NAALADL2: variants seen among roughly 807,000 people sequenced by gnomAD.
NAALADL2 encodes the protein inactive N-acetylated-alpha-linked acidic dipeptidase-like protein 2.
NAALADL2 carries 76 observed loss-of-function variants against 87.2 expected under a neutral mutation model. The ratio of observed to expected loss-of-function variants is 0.87; its 90% CI spans 0.72 to 1.05. NAALADL2 has a LOEUF of 1.05. Among genes scored for constraint, NAALADL2 ranks in the 50% least tolerant of loss-of-function variants. The probability of loss-of-function intolerance (pLI) is 0.00; values close to 1 mark genes in which losing one functional copy is unlikely to be tolerated. For missense variants in NAALADL2, 1,089 were observed against 945.8 expected (o/e 1.15, Z -1.99); for synonymous variants, 354 against 331.0 (o/e 1.07, Z -0.75).
At chr3:175,199,629 G>GGTGC (rs1253615051) in intron 2 of NAALADL2, among the ~76,000 whole-genome samples, 2 of 150,948 alleles carry the variant, frequency 1.3e-5, no homozygotes, top group African/African-American at 4.9e-5. Context: ...TAAGGGCTAT[G>GGTGC]GTGCGTAGAC....
At chr3:175,725,622 A>C (rs1742815072) in intron 11 of NAALADL2, among the ~76,000 whole-genome samples, 1 of 152,112 alleles carries the variant, frequency 6.6e-6, no homozygotes. Flanking sequence ...TAAAATTAGA[A>C]AAGGGCTTGG....
At chr3:175,671,687 G>GA (rs1213267950) in intron 11 of NAALADL2, among the ~76,000 whole-genome samples, 1 of 151,414 alleles carries the variant, frequency 6.6e-6, no homozygotes, top group East Asian at 1.9e-4. Context: ...AATTACTTAG[G>GA]AAAAAAAGAG....
chr3:175,481,732 A>G lies in NAALADL2; in HGVS notation c.1653+9974A>G, dbSNP rs1726499820. Among the ~76,000 whole-genome samples, 3 of 151,914 alleles carry G rather than the reference A, an allele frequency of 2.0e-5. No homozygotes were observed. The South Asian group carries it at 6.2e-4, about 31-fold the overall frequency. Reference sequence around the variant, plus strand: ...AAACAGATAAATTGTCCCGTGGTTTACTCATATAATGAAATACTACCTAGC... The same window carrying G: ...AAACAGATAAATTGTCCCGTGGTTTGCTCATATAATGAAATACTACCTAGC... On this transcript the variant is annotated intron_variant, in intron 9 of 13. Transcript: ENST00000454872.
chr3:174,886,258 G>T (rs1440482876), intron 1 of NAALADL2, among the ~76,000 whole-genome samples: 1 of 152,050 alleles, frequency 6.6e-6, no homozygotes, highest in Non-Finnish European at 1.5e-5. Flanking sequence ...GTGTTTGAGG[G>T]CAGGAAGCAT....
intron 5 of NAALADL2, among the ~76,000 whole-genome samples, chr3:175,435,113 AT>A (rs1718405478): frequency 6.6e-6 from 1 of 152,030 alleles, no homozygotes; most frequent in South Asian, 2.1e-4. Flanking sequence ...GTATCTAAAT[AT>A]TACCACTGCT....
At chr3:175,448,931 G>T (rs976121946) in intron 6 of NAALADL2, among the ~76,000 whole-genome samples, 1 of 152,102 alleles carries the variant, frequency 6.6e-6, no homozygotes, top group South Asian at 2.1e-4. Context: ...GCCCAGGCTG[G>T]TCTTGAGCTC....
At chr3:175,303,431 T>G (rs9848480) in intron 4 of NAALADL2, among the ~76,000 whole-genome samples, 1,717 of 152,190 alleles carry the variant, frequency 0.011, 30 homozygotes, top group African/African-American at 0.039. Context: ...GTTTTTGAGT[T>G]TTGCATAGTT....
chr3:175,100,635 C>T (rs1169501314), intron 2 of NAALADL2, among the ~76,000 whole-genome samples: 4 of 151,890 alleles, frequency 2.6e-5, no homozygotes, highest in Admixed American at 6.6e-5. Flanking sequence ...GTCAGGAGTT[C>T]AAGACCAGCC....
chr3:174,814,859 A>C (rs1404593849), intron 3 of NAALADL2, among the ~76,000 whole-genome samples: 2 of 152,266 alleles, frequency 1.3e-5, no homozygotes, highest in African/African-American at 2.4e-5. Flanking sequence ...GTTGCAAGCT[A>C]TGTTACTCAC....
chr3:174,719,785 C>T (rs1731533367), intron 2 of NAALADL2, among the ~76,000 whole-genome samples: 1 of 152,082 alleles, frequency 6.6e-6, no homozygotes, highest in South Asian at 2.1e-4. Flanking sequence ...CTGAATTTGG[C>T]AGTAAACTTA....
intron 10 of NAALADL2, among the ~76,000 whole-genome samples, chr3:175,584,039 C>CT (rs5854648): frequency 0.11 from 15,326 of 144,056 alleles, 1,963 homozygotes; most frequent in African/African-American, 0.3. Flanking sequence ...ATTGTCACTA[C>CT]TTTTTTTTTT....
chr3:174,689,541 A>T (rs893846273), intron 2 of NAALADL2, among the ~76,000 whole-genome samples: 6 of 151,844 alleles, frequency 4.0e-5, no homozygotes, highest in African/African-American at 1.5e-4. Flanking sequence ...ATCACCGGGG[A>T]GCTTGTTAGA....
intron 3 of NAALADL2, among the ~76,000 whole-genome samples, chr3:174,834,663 T>C (rs2109388987): frequency 6.6e-6 from 1 of 151,948 alleles, no homozygotes. Context: ...TAAAATACTA[T>C]TAAAAACAAA....
intron 3 of NAALADL2, among the ~76,000 whole-genome samples, chr3:174,786,487 G>GA (rs56856533): frequency 0.26 from 39,131 of 149,046 alleles, 5,692 homozygotes; most frequent in Non-Finnish European, 0.32. Flanking sequence ...ATGAAAAGGA[G>GA]AAAAAAAAGA....
chr3:175,278,366 C>G (rs1287667837), intron 4 of NAALADL2, among the ~76,000 whole-genome samples: 1 of 152,076 alleles, frequency 6.6e-6, no homozygotes, highest in Admixed American at 6.5e-5. Context: ...CCAGAGAGAA[C>G]TACCAAACCT....
chr3:175,654,161 C>T (rs1443772019), intron 11 of NAALADL2, among the ~76,000 whole-genome samples: 1 of 152,174 alleles, frequency 6.6e-6, no homozygotes, highest in African/African-American at 2.4e-5. Flanking sequence ...TTGCATAAAA[C>T]AGTACAGTTA....
At chr3:175,147,246 C>T (rs959174105) in intron 2 of NAALADL2, among the ~76,000 whole-genome samples, 2 of 152,102 alleles carry the variant, frequency 1.3e-5, no homozygotes, top group Admixed American at 6.6e-5. Context: ...CTCCTTTGCT[C>T]CCCGTTCTAG....
chr3:175,312,962 G>GC (rs1758575723), intron 4 of NAALADL2, among the ~76,000 whole-genome samples: 1 of 152,168 alleles, frequency 6.6e-6, no homozygotes, highest in African/African-American at 2.4e-5. Flanking sequence ...GGCTGCCATA[G>GC]TAAAATACCA....
intron 10 of NAALADL2, among the ~76,000 whole-genome samples, chr3:175,596,966 A>AG (rs1722326957): frequency 6.6e-6 from 1 of 152,002 alleles, no homozygotes; most frequent in African/African-American, 2.4e-5. Flanking sequence ...AGAAGAAAAA[A>AG]TGGAAAGAGG....
Sources: gnomAD v4.1 joint callset for allele counts (sites outside exome capture counted in the v4.1 genomes callset) on GRCh38, gnomAD v4.1.1 for gene constraint, MANE v1.5 for transcripts, NCBI Gene and HGNC (gene_info 2026-07-23, HGNC 2026-07-21) for gene names.